DDX42: variants seen among roughly 807,000 people sequenced by gnomAD.
DDX42 encodes the protein ATP-dependent RNA helicase DDX42.
Under a neutral mutation model 101.5 loss-of-function variants are expected in DDX42, and 22 were observed. That is an observed-to-expected ratio of 0.22 (90% CI 0.15 to 0.31). DDX42 has a LOEUF of 0.31. DDX42 is among the 10% of genes least tolerant of loss of function. DDX42 has a pLI of 1.00. For synonymous variants in DDX42, 402 were observed against 401.2 expected (o/e 1.00, Z -0.02); for missense variants, 849 against 1,199.9 (o/e 0.71, Z 4.32).
rs556090075 is a variant in DDX42, at chr17:63,785,927, G to A, written c.-16-1107G>A. Among the ~76,000 whole-genome samples, 11 of 152,174 alleles carry A rather than the reference G, an allele frequency of 7.2e-5. No individual in the cohort carries two copies. The South Asian group carries it at 2.1e-3, about 29-fold the overall frequency. ...TACCAGAGGATAACCTCTAGTTTTC[G>A]GAGAGTCTTGGCTGATAGCAGCTCA... On this transcript the variant is annotated intron_variant, in intron 1 of 17. Transcript: ENST00000389924.
At position 63,815,557 on chromosome 17, in the gene DDX42, A is replaced by G. The variant is rs770853176; in HGVS notation, c.1903-6A>G. 25 of 1,609,964 alleles carry G rather than the reference A, an allele frequency of 1.6e-5. No homozygotes were observed. Among genetic ancestry groups the G allele is most frequent in the South Asian group, 3.3e-5 (3 of 90,880 alleles). ...TTGACTTAACCTTGAATTTTGTTCA[A>G]TGCAGAATGCCTGGTTTCGGAAATC... On this transcript the variant is annotated splice_polypyrimidine_tract_variant and splice_region_variant and intron_variant, in intron 15 of 17. Transcript: ENST00000389924.
chr17:63,782,699 C>G (rs1324207952), intron 1 of DDX42, among the ~76,000 whole-genome samples: 1 of 152,126 alleles, frequency 6.6e-6, no homozygotes, highest in Non-Finnish European at 1.5e-5. Flanking sequence ...TTTCTTAGTT[C>G]AGAATTTTGT....
At chr17:63,789,848 C>T (rs1598327560) in intron 2 of DDX42, among the ~76,000 whole-genome samples, 1 of 152,094 alleles carries the variant, frequency 6.6e-6, no homozygotes, top group South Asian at 2.1e-4. Flanking sequence ...GCTGGGATTA[C>T]AAGCATGAGC....
Position 63,817,883 on chromosome 17 carries a change from A to G in DDX42, c.2302A>G (p.Asn768Asp). ...CGCCAAGGGCATCCCAGGCTTTGGC[A>G]ATACTGGCAACATCAGTGGTGCCCC... ...SAAKGIPGFG[N>D]TGNISGAPVT... Residue 768 changes from asparagine (N) to aspartate (D), a missense_variant, in exon 18 of 18, where the codon AAT becomes GAT. By Grantham distance (23) the Asn-to-Asp change is conservative (BLOSUM62 1). Transcript: ENST00000389924. 1 of 1,614,228 alleles carries G rather than the reference A, an allele frequency of 6.2e-7. No individual in the cohort carries two copies. Among genetic ancestry groups the G allele is most frequent in the Admixed American group, 1.7e-5 (1 of 60,030 alleles).
At position 63,810,525 on chromosome 17, in the gene DDX42, G is replaced by T; in HGVS notation, c.1265G>T (p.Arg422Leu). 1 of 1,613,920 alleles carries T rather than the reference G, an allele frequency of 6.2e-7. No homozygotes were observed. The highest frequency in any genetic ancestry group is 1.3e-5 in the African/African-American group (1 of 74,994). ...CTGTTTCTTGCAGAGTACCAAGTTC[G>T]ATCCATAGCAAGTCATGTTCGTCCT... The part of the protein sequence containing the change: ...MFDMGFEYQV[R>L]SIASHVRPDR... Residue 422 changes from arginine (R) to leucine (L), a missense_variant, in exon 12 of 18, where the codon CGA (arginine) becomes CTA (leucine). Coordinates refer to ENST00000389924, the MANE Select transcript of DDX42 (RefSeq NM_203499.3).
At chr17:63,795,981 G>A (rs1170112181) in intron 3 of DDX42, among the ~76,000 whole-genome samples, 3 of 152,188 alleles carry the variant, frequency 2.0e-5, no homozygotes, top group African/African-American at 7.2e-5. Context: ...ACTATTCAGG[G>A]TATACGTGTG....
At chr17:63,817,108 T>C (rs1247287101) in intron 17 of DDX42, 142 bp downstream of exon 17, 1 of 639,970 alleles carries the variant, frequency 1.6e-6, no homozygotes, top group Non-Finnish European at 2.7e-6. Context: ...ATTTTGAATA[T>C]AAACCTAACA....
intron 8 of DDX42, among the ~76,000 whole-genome samples, chr17:63,807,255 C>T (rs555781618): frequency 2.0e-5 from 3 of 152,324 alleles, no homozygotes; most frequent in Admixed American, 2.0e-4. Flanking sequence ...ATTCTCCTGC[C>T]TCGGCCTCCC....
At chr17:63,812,279 C>A in intron 14 of DDX42, 71 bp downstream of exon 14, 1 of 1,513,544 alleles carries the variant, frequency 6.6e-7, no homozygotes. Context: ...TACATAAGAC[C>A]TATAATATCT....
Position 63,805,096 on chromosome 17 carries a change from A to G in DDX42, c.647A>G (p.Asn216Ser). ...SEIDYPPFEK[N>S]FYNEHEEITN... is the part of the protein sequence containing the mutation. The stretch of plus-strand genomic sequence containing the variant: ...ATTGACTATCCACCATTTGAAAAAA[A>G]CTTTTACAATGAGCATGAAGAGATA... The change falls in exon 7 of 18, where the codon AAC becomes AGC. Residue 216 changes from asparagine to serine, a missense_variant. By Grantham distance (46) the Asn-to-Ser change is conservative. This residue lies in a region of DDX42 where 370 missense variants were observed against 608.8 expected (regional missense o/e 0.61). Transcript: ENST00000389924. The G allele has an allele frequency of 1.2e-6, 2 of 1,610,942 alleles. No homozygotes were observed. The highest frequency in any genetic ancestry group is 1.7e-6 in the Non-Finnish European group (2 of 1,179,376).
chr17:63,817,979 A>T lies in DDX42; in HGVS notation c.2398A>T (p.Thr800Ser), dbSNP rs760537315. 11 of 1,614,016 alleles carry T rather than the reference A, an allele frequency of 6.8e-6. No individual in the cohort carries two copies. The East Asian group carries it at 2.4e-4, about 36-fold the overall frequency. ...TTCAGGGAATAACAGCCGAGAAGGGACTGGGGGCAGCAACGGGAAAAGAGA... is the reference window on the plus strand; with the variant it reads ...TTCAGGGAATAACAGCCGAGAAGGGTCTGGGGGCAGCAACGGGAAAAGAGA... ...TASGNNSREG[T>S]GGSNGKRERY... Residue 800 changes from threonine (T) to serine (S), a missense_variant, in exon 18 of 18, where the codon ACT (threonine) becomes TCT (serine). Coordinates refer to ENST00000389924, the MANE Select transcript of DDX42 (RefSeq NM_203499.3).
chr17:63,779,508 C>G (rs2039460628), intron 1 of DDX42, among the ~76,000 whole-genome samples: 1 of 152,164 alleles, frequency 6.6e-6, no homozygotes, highest in Non-Finnish European at 1.5e-5. Flanking sequence ...GAGCCATCCT[C>G]CTGCCTTGGC....
Position 63,798,299 on chromosome 17 carries a change from T to C in DDX42, c.434+200T>C, listed in dbSNP as rs531976974. ...TTGCAATAATTAAAAAGCATTCAGT[T>C]TGGTAGAATAGTATTTGGTCTTTGA... On this transcript the variant is annotated intron_variant, in intron 4 of 17. Coordinates refer to ENST00000389924, the MANE Select transcript of DDX42 (RefSeq NM_203499.3). 6.0e-4 allele frequency: 280 copies of C among 470,200 alleles called. 2 individuals are homozygous for C. The highest frequency in any genetic ancestry group is 2.2e-3 in the Admixed American group (56 of 25,818). The allele number at this position is 470,200 out of a possible 1,614,324, so 29.1% of individuals were successfully genotyped here. A position where few individuals can be genotyped will look rare whatever the true frequency, so the allele number is the denominator to read the frequency against.
chr17:63,802,142 G>A (rs961598380), intron 6 of DDX42, among the ~76,000 whole-genome samples: 12 of 152,044 alleles, frequency 7.9e-5, no homozygotes, highest in Admixed American at 3.9e-4. Flanking sequence ...GCACCAAACT[G>A]TTCTAGTAGG....
chr17:63,810,442 A>G (rs1380711855), intron 11 of DDX42, 71 bp from the exon 12 acceptor site: 3 of 1,506,926 alleles, frequency 2.0e-6, no homozygotes, highest in Admixed American at 1.8e-5. Flanking sequence ...GACTTTTACT[A>G]ATATGGCTTT....
chr17:63,815,433 C>A, intron 15 of DDX42, 130 bp from the exon 16 acceptor site: 2 of 588,508 alleles, frequency 3.4e-6, no homozygotes, highest in Non-Finnish European at 6.0e-6. Flanking sequence ...AAAATTCCTC[C>A]CTTAGCGTAG....
chr17:63,816,735 CAGT>C (rs1219071068), intron 16 of DDX42, 130 bp from the exon 17 acceptor site: 1 of 539,036 alleles, frequency 1.9e-6, no homozygotes, highest in African/African-American at 2.0e-5. Flanking sequence ...TCTCACAAAG[CAGT>C]AGCAGCTTTC....
intron 14 of DDX42, among the ~76,000 whole-genome samples, 175 bp from the exon 15 acceptor site, chr17:63,813,053 G>A (rs1367988579): frequency 6.6e-6 from 1 of 151,962 alleles, no homozygotes; most frequent in Non-Finnish European, 1.5e-5. Flanking sequence ...ACACTAGAAG[G>A]CCTAACATCA....
intron 11 of DDX42, 65 bp from the exon 12 acceptor site, chr17:63,810,448 G>T: frequency 6.5e-7 from 1 of 1,546,202 alleles, no homozygotes; most frequent in Non-Finnish European, 8.9e-7. Flanking sequence ...TACTAATATG[G>T]CTTTTTCCAG....
Sources: gnomAD v4.1 joint callset for allele counts (sites outside exome capture counted in the v4.1 genomes callset) on GRCh38, gnomAD v4.1.1 for gene constraint, gnomAD v4.1.1 regional missense constraint, MANE v1.5 for transcripts, NCBI Gene and HGNC (gene_info 2026-07-23, HGNC 2026-07-21) for gene names.